FSTL5: variants seen among roughly 807,000 people sequenced by gnomAD.
FSTL5 encodes the protein follistatin-related protein 5.
In FSTL5, 62 loss-of-function variants were observed where a neutral mutation model predicts 89.1. That is an observed-to-expected ratio of 0.70 (90% confidence interval 0.57 to 0.86). The LOEUF is 0.86. Ranked by LOEUF, FSTL5 falls within the 40% of genes least tolerant of loss-of-function variation. The pLI is 0.00. For missense variants in FSTL5, 1,057 were observed against 1,001.6 expected (o/e 1.06, Z -0.75); for synonymous variants, 383 against 346.2 (o/e 1.11, Z -1.18).
At chr4:161,700,978 A>T (rs1336306687) in intron 6 of FSTL5, among the ~76,000 whole-genome samples, 3 of 152,198 alleles carry the variant, frequency 2.0e-5, no homozygotes, top group Non-Finnish European at 4.4e-5. Context: ...AATGATGCTA[A>T]AATTCTAAAC....
At chr4:161,466,997 T>G (rs1733769115) in intron 13 of FSTL5, among the ~76,000 whole-genome samples, 1 of 150,266 alleles carries the variant, frequency 6.7e-6, no homozygotes, top group African/African-American at 2.5e-5. Flanking sequence ...GTCCACACAG[T>G]CAAAAACATG....
intron 1 of FSTL5, among the ~76,000 whole-genome samples, chr4:162,143,248 TA>T (rs1184473698): frequency 6.6e-6 from 1 of 152,124 alleles, no homozygotes; most frequent in Non-Finnish European, 1.5e-5. Context: ...ATTACAATGA[TA>T]AAAACTAACT....
chr4:161,883,345 G>A (rs968845201), intron 4 of FSTL5, among the ~76,000 whole-genome samples: 12 of 152,088 alleles, frequency 7.9e-5, no homozygotes, highest in East Asian at 1.9e-4. Flanking sequence ...CATTCTCTAC[G>A]TGCCTAACTT....
chr4:161,750,507 T>C (rs1203967569), intron 6 of FSTL5, among the ~76,000 whole-genome samples: 1 of 152,188 alleles, frequency 6.6e-6, no homozygotes. Flanking sequence ...TTTCTTTTTT[T>C]AACGTGACTG....
At chr4:161,940,760 A>G (rs1267989948) in intron 3 of FSTL5, among the ~76,000 whole-genome samples, 3 of 151,864 alleles carry the variant, frequency 2.0e-5, no homozygotes, top group Non-Finnish European at 4.4e-5. Context: ...AGAAGTGCTA[A>G]AGGGAAATTT....
chr4:161,888,401 C>T (rs1732882130), intron 4 of FSTL5, among the ~76,000 whole-genome samples: 1 of 152,108 alleles, frequency 6.6e-6, no homozygotes, highest in South Asian at 2.1e-4. Context: ...AGAGCCCACC[C>T]AAACCTGGAA....
chr4:162,156,758 G>C (rs1416512985), intron 1 of FSTL5, among the ~76,000 whole-genome samples: 2 of 152,068 alleles, frequency 1.3e-5, no homozygotes, highest in African/African-American at 4.8e-5. Flanking sequence ...AGAGGCGGGA[G>C]GGAGGCAAAG....
At chr4:161,953,579 A>C (rs574839711) in intron 3 of FSTL5, among the ~76,000 whole-genome samples, 1 of 151,686 alleles carries the variant, frequency 6.6e-6, no homozygotes, top group Non-Finnish European at 1.5e-5. Context: ...TAGAATTTGC[A>C]TACTTCTTTT....
chr4:162,152,245 A>G (rs1733253225), intron 1 of FSTL5, among the ~76,000 whole-genome samples: 1 of 152,224 alleles, frequency 6.6e-6, no homozygotes, highest in Admixed American at 6.6e-5. Context: ...CTTTAAATGC[A>G]AAGCATTTTC....
chr4:161,510,137 T>A (rs1309322183), intron 11 of FSTL5, among the ~76,000 whole-genome samples: 2 of 152,166 alleles, frequency 1.3e-5, no homozygotes, highest in African/African-American at 2.4e-5. Context: ...CTTTTGTTTC[T>A]TTGGTGTAAT....
At chr4:161,844,697 C>T (rs1039737495) in intron 4 of FSTL5, among the ~76,000 whole-genome samples, 2 of 152,084 alleles carry the variant, frequency 1.3e-5, no homozygotes, top group African/African-American at 4.8e-5. Context: ...GAACAGAAAA[C>T]CAAACACTGC....
At chr4:161,644,705 T>G (rs1453781622) in intron 7 of FSTL5, among the ~76,000 whole-genome samples, 1 of 152,080 alleles carries the variant, frequency 6.6e-6, no homozygotes, top group Non-Finnish European at 1.5e-5. Context: ...AAGAAGCCAT[T>G]AAGGGATTTT....
chr4:161,661,741 T>C (rs1736719575), intron 6 of FSTL5, among the ~76,000 whole-genome samples: 1 of 152,186 alleles, frequency 6.6e-6, no homozygotes, highest in Non-Finnish European at 1.5e-5. Context: ...TTATAGCTTT[T>C]ATTATAATTG....
chr4:162,077,025 A>G (rs1434287270), intron 2 of FSTL5, among the ~76,000 whole-genome samples: 4 of 151,856 alleles, frequency 2.6e-5, no homozygotes, highest in Middle Eastern at 3.2e-3. Flanking sequence ...AATCAGCTGC[A>G]TATACTTGTC....
intron 3 of FSTL5, among the ~76,000 whole-genome samples, chr4:161,939,737 C>A (rs17041777): frequency 6.6e-6 from 1 of 151,924 alleles, no homozygotes; most frequent in Admixed American, 6.6e-5. Flanking sequence ...CAAGCACTAA[C>A]ATGAGGATAA....
intron 10 of FSTL5, among the ~76,000 whole-genome samples, chr4:161,516,244 A>G (rs1328978771): frequency 6.7e-6 from 1 of 148,990 alleles, no homozygotes; most frequent in Admixed American, 6.7e-5. Flanking sequence ...ATTGTAATAT[A>G]TATATTTTAC....
intron 12 of FSTL5, among the ~76,000 whole-genome samples, chr4:161,488,043 G>GA (rs138869324): frequency 6.6e-6 from 1 of 151,822 alleles, no homozygotes; most frequent in South Asian, 2.1e-4. Flanking sequence ...TGCAATATTG[G>GA]AAAAAAATCT....
chr4:161,557,678 C>T (rs1445101575), intron 8 of FSTL5, among the ~76,000 whole-genome samples: 1 of 151,242 alleles, frequency 6.6e-6, no homozygotes, highest in Non-Finnish European at 1.5e-5. Flanking sequence ...CTTGTGAAAT[C>T]TGAGTCATCA....
intron 4 of FSTL5, among the ~76,000 whole-genome samples, chr4:161,877,077 G>C (rs1440321123): frequency 6.6e-6 from 1 of 151,250 alleles, no homozygotes; most frequent in Non-Finnish European, 1.5e-5. Context: ...CCAGCTACTC[G>C]GGCGGCTGAG....
Sources: gnomAD v4.1 joint callset for allele counts (sites outside exome capture counted in the v4.1 genomes callset) on GRCh38, gnomAD v4.1.1 for gene constraint, MANE v1.5 for transcripts, NCBI Gene and HGNC (gene_info 2026-07-23, HGNC 2026-07-21) for gene names.